Variants in HKDC1 observed in about 807,000 individuals in gnomAD.
The protein encoded by HKDC1 is hexokinase domain containing 1.
A neutral mutation model predicts 96.6 loss-of-function variants in HKDC1; 66 were observed. The ratio of observed to expected loss-of-function variants is 0.68; its 90% CI spans 0.56 to 0.84. The LOEUF (loss-of-function observed/expected upper bound fraction) is 0.84. Ranked by LOEUF, HKDC1 falls within the 40% of genes least tolerant of loss-of-function variation. The probability of loss-of-function intolerance (pLI) is 0.00; values close to 1 mark genes in which losing one functional copy is unlikely to be tolerated. For missense variants in HKDC1, 1,211 were observed against 1,208.1 expected, an observed-to-expected ratio of 1.00 and a Z score of -0.04; for synonymous variants, 466 against 473.1, an observed-to-expected ratio of 0.98 and a Z score of 0.20.
At chr10:69,230,654 C>T (rs1843241990) in intron 2 of HKDC1, among the ~76,000 whole-genome samples, 1 of 152,176 alleles carries the variant, frequency 6.6e-6, no homozygotes, top group Admixed American at 6.5e-5. Context: ...CCCTCCGTTG[C>T]CCAACCTGCA....
chr10:69,252,326 A>C (rs1843655251), intron 12 of HKDC1, among the ~76,000 whole-genome samples: 1 of 152,022 alleles, frequency 6.6e-6, no homozygotes, highest in African/African-American at 2.4e-5. Context: ...AGCCTGGGCA[A>C]CATAGTGAGA....
At chr10:69,222,110 T>A (rs1362139254) in intron 1 of HKDC1, among the ~76,000 whole-genome samples, 8 of 152,044 alleles carry the variant, frequency 5.3e-5, no homozygotes, top group Non-Finnish European at 1.0e-4. Context: ...TAATCCCAAC[T>A]ACTCAGAAGG....
rs1392769894 is a variant in HKDC1, at chr10:69,233,103, T to A, written c.465T>A (p.Ser155=). 3 of 1,614,020 alleles carry A rather than the reference T, an allele frequency of 1.9e-6. No individual in the cohort carries two copies. Among genetic ancestry groups the A allele is most frequent in the Non-Finnish European group, 2.5e-6 (3 of 1,180,042 alleles). The change falls in exon 4 of 18, where the codon TCT becomes TCA. Residue 155 remains serine (S), a synonymous_variant. Coordinates refer to ENST00000354624, the MANE Select transcript of HKDC1 (RefSeq NM_025130.4). The part of the protein sequence containing the change: ...HKKLPLGLTF[S]FPCRQTKLEE... ...AATTGCCCCTTGGCCTAACTTTTTC[T>A]TTCCCCTGTCGACAGACTAAACTGG...
rs755358343 is a variant in HKDC1, at chr10:69,265,692, G to A, written c.2480G>A (p.Arg827Gln). 1.9e-5 allele frequency: 31 copies of A among 1,613,392 alleles called. No homozygotes were observed. Among genetic ancestry groups the A allele is most frequent in the East Asian group, 1.6e-4 (7 of 44,880 alleles). Reference sequence around the variant, plus strand: ...AAGGAGGTGTGCGGAGCCGTGTCCCGGCGGGCGGCCCAGCTCTGCGGTGCT... The same window carrying A: ...AAGGAGGTGTGCGGAGCCGTGTCCCAGCGGGCGGCCCAGCTCTGCGGTGCT... ...VVKEVCGAVS[R>Q]RAAQLCGAGL... Residue 827 changes from arginine to glutamine, a missense_variant, in exon 17 of 18, where the codon CGG becomes CAG. By Grantham distance (43) the Arg-to-Gln change is conservative (BLOSUM62 1). Transcript: ENST00000354624.
At chr10:69,231,696 C>T (rs1045317712) in intron 2 of HKDC1, among the ~76,000 whole-genome samples, 1 of 152,118 alleles carries the variant, frequency 6.6e-6, no homozygotes, top group African/African-American at 2.4e-5. Flanking sequence ...GGGAGCACAC[C>T]GTCTTTCATC....
At chr10:69,228,304 T>A (rs796486314) in intron 2 of HKDC1, among the ~76,000 whole-genome samples, 6 of 152,286 alleles carry the variant, frequency 3.9e-5, no homozygotes, top group African/African-American at 1.4e-4. Context: ...GATCCTGTGA[T>A]CACGTTAGTC....
intron 16 of HKDC1, chr10:69,265,367 A>G (rs766494817): frequency 3.8e-5 from 22 of 574,906 alleles, no homozygotes; most frequent in Non-Finnish European, 6.7e-5. Context: ...CACCAGAGGC[A>G]TTCACACTTT....
intron 6 of HKDC1, 26 bp from the exon 7 acceptor site, chr10:69,243,156 C>A (rs1366284101): frequency 1.9e-6 from 3 of 1,612,496 alleles, no homozygotes; most frequent in East Asian, 2.2e-5. Flanking sequence ...CCTCTCTCTG[C>A]ATATTCTCTC....
intron 4 of HKDC1, among the ~76,000 whole-genome samples, chr10:69,235,331 A>T (rs1360628238): frequency 6.6e-6 from 1 of 151,518 alleles, no homozygotes; most frequent in African/African-American, 2.5e-5. Flanking sequence ...CTGAGGCAGG[A>T]GAATCACTTG....
At chr10:69,226,634 G>A (rs915172689) in intron 1 of HKDC1, among the ~76,000 whole-genome samples, 46 of 150,522 alleles carry the variant, frequency 3.1e-4, no homozygotes, top group African/African-American at 1.1e-3. Context: ...CAGCCTGGGC[G>A]ACAGAGTGAG....
At chr10:69,236,855 T>C (rs1376523462) in intron 4 of HKDC1, among the ~76,000 whole-genome samples, 1 of 152,210 alleles carries the variant, frequency 6.6e-6, no homozygotes, top group Admixed American at 6.5e-5. Context: ...AATATACTTA[T>C]ATTTTATAAA....
rs778712925 is a variant in HKDC1 at position 69,232,816 on chromosome 10, G to A, written c.279G>A (p.Leu93=). The change falls in exon 3 of 18, where the codon CTG becomes CTA. Residue 93 remains leucine, a synonymous_variant. Coordinates refer to ENST00000354624, the MANE Select transcript of HKDC1 (RefSeq NM_025130.4). ...TCGGAGGGTCCAAGTTCCGAGTGCT[G>A]AAGGTGCAAGTCGCTGAAGAGGGGA... ...LDLGGSKFRV[L]KVQVAEEGKR... is the part of the protein sequence containing the mutation. 3 of 1,614,202 alleles carry A rather than the reference G, an allele frequency of 1.9e-6. No individual in the cohort carries two copies. Among genetic ancestry groups the A allele is most frequent in the East Asian group, 2.2e-5 (1 of 44,890 alleles).
intron 6 of HKDC1, 45 bp downstream of exon 6, chr10:69,240,796 T>C (rs759014459): frequency 2.8e-6 from 4 of 1,431,816 alleles, no homozygotes; most frequent in East Asian, 4.6e-5. Flanking sequence ...GAGAAGGGAC[T>C]GTTTGGGAGT....
In HKDC1 at chr10:69,224,033, A is replaced by AT. The variant is rs1275753035; in HGVS notation, c.64-3173dup. Among the ~76,000 whole-genome samples the AT allele has an allele frequency of 5.3e-5, 8 of 150,614 alleles. No individual in the cohort carries two copies. In the East Asian group the frequency reaches 1.6e-3, roughly 30 times the overall value. ...AGACCAGCCTGGATAACATAGAGAG[A>AT]TCTGTCTCTACAAAAAATGCAAAAA... On this transcript the variant is annotated intron_variant, in intron 1 of 17. Coordinates refer to ENST00000354624, the MANE Select transcript of HKDC1 (RefSeq NM_025130.4).
chr10:69,251,323 T>C (rs1843641299), intron 12 of HKDC1, among the ~76,000 whole-genome samples: 1 of 152,112 alleles, frequency 6.6e-6, no homozygotes, highest in African/African-American at 2.4e-5. Flanking sequence ...CATGAACTCC[T>C]GACCTCAGGT....
At chr10:69,260,016 A>G (rs1195011889) in intron 15 of HKDC1, among the ~76,000 whole-genome samples, 4 of 152,244 alleles carry the variant, frequency 2.6e-5, no homozygotes, top group African/African-American at 9.6e-5. Context: ...ATTCTGTAAA[A>G]GAACAGATAG....
At chr10:69,221,619 C>G (rs963295261) in intron 1 of HKDC1, among the ~76,000 whole-genome samples, 1 of 152,112 alleles carries the variant, frequency 6.6e-6, no homozygotes, top group Non-Finnish European at 1.5e-5. Flanking sequence ...TGACTCCCTC[C>G]TGCTTTACAA....
At chr10:69,224,892 T>G (rs1843123523) in intron 1 of HKDC1, among the ~76,000 whole-genome samples, 1 of 152,172 alleles carries the variant, frequency 6.6e-6, no homozygotes, top group Non-Finnish European at 1.5e-5. Context: ...ACCAGTACTC[T>G]CCCTTAGTGC....
chr10:69,242,747 T>C (rs936184393), intron 6 of HKDC1, among the ~76,000 whole-genome samples: 1 of 152,174 alleles, frequency 6.6e-6, no homozygotes, highest in Admixed American at 6.5e-5. Flanking sequence ...TAGAAACAAT[T>C]TGTGGCAGGC....
Sources: allele counts gnomAD v4.1 joint callset (sites outside exome capture counted in the v4.1 genomes callset), GRCh38; gene constraint gnomAD v4.1.1; transcripts MANE v1.5; gene names NCBI Gene and HGNC (gene_info 2026-07-23, HGNC 2026-07-21).